SLC10A7: variants seen among roughly 807,000 people sequenced by gnomAD.
SLC10A7 encodes sodium/bile acid cotransporter 7.
A neutral mutation model predicts 43.2 loss-of-function variants in SLC10A7; 29 were observed. That is an observed-to-expected ratio of 0.67 (90% CI 0.50 to 0.92). SLC10A7 has a LOEUF of 0.92. Ranked by LOEUF, SLC10A7 falls within the 40% of genes least tolerant of loss-of-function variation. The pLI is 0.00. For synonymous variants in SLC10A7, 152 were observed against 144.8 expected, an observed-to-expected ratio of 1.05 and a Z score of -0.35; for missense variants, 295 against 403.2, an observed-to-expected ratio of 0.73 and a Z score of 2.30.
intron 4 of SLC10A7, among the ~76,000 whole-genome samples, chr4:146,454,682 T>C (rs1258649495): frequency 1.3e-5 from 2 of 151,842 alleles, no homozygotes; most frequent in African/African-American, 4.8e-5. Flanking sequence ...AGGCAAACTT[T>C]GAACAATGCT....
intron 5 of SLC10A7, among the ~76,000 whole-genome samples, chr4:146,359,653 G>A (rs558595004): frequency 6.6e-6 from 1 of 152,178 alleles, no homozygotes; most frequent in East Asian, 1.9e-4. Flanking sequence ...TATTTGGCTT[G>A]ACTATGAAGA....
At chr4:146,494,569 A>G (rs1263288178) in intron 4 of SLC10A7, among the ~76,000 whole-genome samples, 1 of 152,176 alleles carries the variant, frequency 6.6e-6, no homozygotes, top group African/African-American at 2.4e-5. Context: ...AGACAAGAAG[A>G]AAAGAATTGA....
intron 5 of SLC10A7, among the ~76,000 whole-genome samples, chr4:146,409,255 T>C (rs1275287512): frequency 2.0e-5 from 3 of 151,148 alleles, no homozygotes; most frequent in Admixed American, 6.6e-5. Flanking sequence ...AATGCAACTT[T>C]GGAAATCTCT....
In SLC10A7 at chr4:146,268,741, C is replaced by A. The variant is rs184463373; in HGVS notation, c.848-9904G>T. 7.2e-5 allele frequency among the ~76,000 whole-genome samples: 11 copies of A among 152,258 alleles called. No individual in the cohort carries two copies. In the East Asian group the frequency reaches 2.1e-3, roughly 29 times the overall value. ...AAATAGAAATTTGCTCAAAGCCACA[C>A]ACAGCATCAGGACATAGCTGGGGTG... On this transcript the variant is annotated intron_variant, in intron 10 of 11. Transcript: ENST00000335472.
intron 5 of SLC10A7, among the ~76,000 whole-genome samples, chr4:146,392,682 G>T (rs1738528787): frequency 6.6e-6 from 1 of 152,122 alleles, no homozygotes; most frequent in Non-Finnish European, 1.5e-5. Flanking sequence ...CTTAAGAGAT[G>T]AGCCAGACCC....
At chr4:146,338,121 A>G (rs919475320) in intron 5 of SLC10A7, among the ~76,000 whole-genome samples, 8 of 151,988 alleles carry the variant, frequency 5.3e-5, no homozygotes, top group African/African-American at 1.9e-4. Context: ...TTTTTGCTGA[A>G]TGAAAGAACA....
At chr4:146,278,182 T>A (rs1356605050) in intron 10 of SLC10A7, among the ~76,000 whole-genome samples, 1 of 152,150 alleles carries the variant, frequency 6.6e-6, no homozygotes, top group Non-Finnish European at 1.5e-5. Context: ...TTTTTTTCTA[T>A]GCTTTCATTT....
In SLC10A7 at chr4:146,373,884, T is replaced by C. The variant is rs904347082; in HGVS notation, c.436-47888A>G. On this transcript the variant is annotated intron_variant, in intron 5 of 11. Coordinates refer to ENST00000335472, the MANE Select transcript of SLC10A7 (RefSeq NM_001029998.6). The stretch of plus-strand genomic sequence containing the variant: ...GACAGGCAAAGGCTATAAGAGATGA[T>C]GGCTAAGCTAGGGTTCTGGTGATGG... Among the ~76,000 whole-genome samples, 3 of 152,146 alleles carry C rather than the reference T, an allele frequency of 2.0e-5. No individual in the cohort carries two copies. The South Asian group carries it at 6.2e-4, about 32-fold the overall frequency.
At chr4:146,284,998 T>C (rs1261738538) in intron 9 of SLC10A7, among the ~76,000 whole-genome samples, 1 of 152,020 alleles carries the variant, frequency 6.6e-6, no homozygotes, top group East Asian at 1.9e-4. Flanking sequence ...TGGGAAAAAA[T>C]AACAATTGAG....
intron 5 of SLC10A7, among the ~76,000 whole-genome samples, chr4:146,346,393 C>A (rs1018166147): frequency 5.9e-5 from 9 of 151,960 alleles, no homozygotes; most frequent in Non-Finnish European, 1.2e-4. Context: ...GAGGGCAGCC[C>A]AAGAAACAAT....
At chr4:146,346,621 A>G (rs1173657867) in intron 5 of SLC10A7, among the ~76,000 whole-genome samples, 1 of 152,120 alleles carries the variant, frequency 6.6e-6, no homozygotes, top group Admixed American at 6.6e-5. Context: ...TTTTTCAACT[A>G]ATTTTATTTC....
chr4:146,319,593 T>C (rs985993223), intron 6 of SLC10A7, among the ~76,000 whole-genome samples: 4 of 152,096 alleles, frequency 2.6e-5, no homozygotes, highest in Non-Finnish European at 5.9e-5. Flanking sequence ...CTTATTGTTA[T>C]ATTCCCACAC....
intron 5 of SLC10A7, among the ~76,000 whole-genome samples, chr4:146,333,498 A>T (rs976160623): frequency 2.0e-5 from 3 of 152,156 alleles, no homozygotes; most frequent in Admixed American, 2.0e-4. Flanking sequence ...ATTAAGATGA[A>T]AACTGAAAGA....
intron 4 of SLC10A7, among the ~76,000 whole-genome samples, chr4:146,455,013 A>G (rs1731930183): frequency 6.6e-6 from 1 of 151,904 alleles, no homozygotes; most frequent in Admixed American, 6.6e-5. Flanking sequence ...CTTTTAAAAA[A>G]TCAATTTCTC....
intron 10 of SLC10A7, among the ~76,000 whole-genome samples, chr4:146,269,576 A>G (rs532180826): frequency 6.6e-6 from 1 of 152,368 alleles, no homozygotes; most frequent in Admixed American, 6.5e-5. Flanking sequence ...TATGACAAAA[A>G]TAACACAAGG....
At chr4:146,420,561 A>G (rs907645821) in intron 5 of SLC10A7, among the ~76,000 whole-genome samples, 7 of 152,222 alleles carry the variant, frequency 4.6e-5, no homozygotes, top group African/African-American at 1.7e-4. Context: ...AGAGGAAAAA[A>G]GACTGGGCTG....
chr4:146,359,347 C>T (rs1268107403), intron 5 of SLC10A7, among the ~76,000 whole-genome samples: 1 of 152,084 alleles, frequency 6.6e-6, no homozygotes, highest in Non-Finnish European at 1.5e-5. Context: ...CTTTTATTCT[C>T]TTAATGGTGG....
At chr4:146,519,084 TATATATATATATATATATA>T (rs1280421898) in intron 1 of SLC10A7, among the ~76,000 whole-genome samples, 1 of 71,154 alleles carries the variant, frequency 1.4e-5, no homozygotes, top group Non-Finnish European at 2.7e-5. Flanking sequence ...TATATATATA[TATATATATATATATATATA>T]TATATATATA....
chr4:146,335,324 A>G (rs1235478208), intron 5 of SLC10A7, among the ~76,000 whole-genome samples: 2 of 151,014 alleles, frequency 1.3e-5, no homozygotes, highest in African/African-American at 4.9e-5. Context: ...CTCATAGAAC[A>G]GCAAGCAGCC....
Sources: gnomAD v4.1 joint callset for allele counts (sites outside exome capture counted in the v4.1 genomes callset) on GRCh38, gnomAD v4.1.1 for gene constraint, MANE v1.5 for transcripts, NCBI Gene and HGNC (gene_info 2026-07-23, HGNC 2026-07-21) for gene names.